The following SETX variants were observed in gnomAD, a reference collection of about 807,000 sequenced individuals.
The protein encoded by SETX is senataxin, also known as helicase senataxin.
Under a neutral mutation model 227.2 loss-of-function variants are expected in SETX, and 90 were observed. The ratio of observed to expected loss-of-function variants is 0.40; its 90% CI spans 0.33 to 0.47. The LOEUF is 0.47. SETX is among the 20% of genes least tolerant of loss of function. The pLI, the probability that SETX is intolerant of heterozygous loss-of-function variation, is 0.91. For synonymous variants in SETX, 1,210 were observed against 1,113.2 expected, an observed-to-expected ratio of 1.09 and a Z score of -1.73; for missense variants, 3,052 against 3,181.5, an observed-to-expected ratio of 0.96 and a Z score of 0.98.
Position 132,346,242 on chromosome 9 carries a change from G to C in SETX, c.388+19C>G, listed in dbSNP as rs1447772947. The C allele has an allele frequency of 1.3e-6, 2 of 1,572,766 alleles. No individual in the cohort carries two copies. Among genetic ancestry groups the C allele is most frequent in the East Asian group, 4.5e-5 (2 of 44,616 alleles). ...AATAATAAAACTGATATAACTTGAG[G>C]AACCATCAAGATACTCACTAACACG... On this transcript the variant is annotated intron_variant, in intron 4 of 25. Transcript: ENST00000224140.
At chr9:132,287,462 A>T (rs756642319) in intron 17 of SETX, among the ~76,000 whole-genome samples, 1 of 152,202 alleles carries the variant, frequency 6.6e-6, no homozygotes, top group Non-Finnish European at 1.5e-5. Context: ...ACTGCACTCC[A>T]GCCTGGGCCA....
chr9:132,300,819 A>G lies in SETX; in HGVS notation c.5375-16T>C, dbSNP rs780572734. 1.2e-5 allele frequency: 19 copies of G among 1,607,990 alleles called. No individual in the cohort carries two copies. The highest frequency in any genetic ancestry group is 1.4e-5 in the Non-Finnish European group (17 of 1,177,298). On this transcript the variant is annotated splice_polypyrimidine_tract_variant and intron_variant, in intron 11 of 25. Coordinates refer to ENST00000224140, the MANE Select transcript of SETX (RefSeq NM_015046.7). ...TCCAGATAAACTATGAAACAAGAAG[A>G]AGTCGGAATTCATATAACTCTAATA...
intron 11 of SETX, among the ~76,000 whole-genome samples, chr9:132,311,393 T>C (rs567675245): frequency 1.3e-5 from 2 of 152,116 alleles, no homozygotes; most frequent in East Asian, 1.9e-4. Flanking sequence ...ATAAAAGTGG[T>C]ATGTGGTTCG....
At chr9:132,336,953 C>A (rs1353936458) in intron 5 of SETX, among the ~76,000 whole-genome samples, 1 of 151,996 alleles carries the variant, frequency 6.6e-6, no homozygotes, top group Non-Finnish European at 1.5e-5. Context: ...GTAGTCCCAG[C>A]TACTTGGGAG....
intron 3 of SETX, among the ~76,000 whole-genome samples, chr9:132,348,484 T>A (rs531287789): frequency 6.6e-6 from 1 of 151,990 alleles, no homozygotes; most frequent in South Asian, 2.1e-4. Context: ...CCCCTCCCAA[T>A]GACTTTATTT....
chr9:132,278,654 C>CA (rs1320237739), intron 20 of SETX, among the ~76,000 whole-genome samples: 5 of 151,902 alleles, frequency 3.3e-5, no homozygotes, highest in African/African-American at 9.7e-5. Flanking sequence ...ATGTGGAGGT[C>CA]TTTTCTACTC....
intron 10 of SETX, among the ~76,000 whole-genome samples, chr9:132,323,984 A>G (rs754796279): frequency 1.3e-5 from 2 of 152,150 alleles, no homozygotes; most frequent in Non-Finnish European, 2.9e-5. Context: ...ACTTGAGGGG[A>G]TGAGGGGTGC....
At position 132,263,806 on chromosome 9, in the gene SETX, ATCTT is replaced by A; in HGVS notation, c.*429_*432del. On this transcript the variant is annotated 3_prime_UTR_variant, in exon 26 of 26. Transcript: ENST00000224140. ...GGTTGAAAGGACCCGCCCTCCTCCC[ATCTT>A]TTTTTTTTTGGTAATATAAAGTTTG... 1 of 183,456 alleles carries A rather than the reference ATCTT, an allele frequency of 5.5e-6. No homozygotes were observed. Among genetic ancestry groups the A allele is most frequent in the East Asian group, 1.5e-4 (1 of 6,850 alleles). 11.4% of individuals were successfully genotyped at this position (183,456 alleles called of 1,614,324 possible).
At position 132,318,406 on chromosome 9, in the gene SETX, T is replaced by C. The variant is rs936164456; in HGVS notation, c.5275-6550A>G. Among the ~76,000 whole-genome samples, 16 of 152,296 alleles carry C rather than the reference T, an allele frequency of 1.1e-4. 1 individual carries two copies. The highest frequency in any genetic ancestry group is 1.0e-3 in the South Asian group (5 of 4,826). On this transcript the variant is annotated intron_variant, in intron 10 of 25. Coordinates refer to ENST00000224140, the MANE Select transcript of SETX (RefSeq NM_015046.7). Reference sequence around the variant, plus strand: ...CAGACAGGAAATGCAGATGTTCCCCTCTGAATTCATACTCCCCAGGGAGAC... The same window carrying C: ...CAGACAGGAAATGCAGATGTTCCCCCCTGAATTCATACTCCCCAGGGAGAC...
At position 132,334,683 on chromosome 9, in the gene SETX, A is replaced by T. The variant is rs1162185581; in HGVS notation, c.763T>A (p.Ser255Thr). The T allele has an allele frequency of 4.3e-6, 7 of 1,614,088 alleles. No homozygotes were observed. The highest frequency in any genetic ancestry group is 5.9e-6 in the Non-Finnish European group (7 of 1,179,940). ...LTILEEQAMDSLLLGSDKQND... is the reference protein window; with the variant it reads ...LTILEEQAMDTLLLGSDKQND... ...TGTTTGTCTGAGCCCAACAACAGGG[A>T]ATCCATGGCTTGTTCCTCAAGAATG... The change falls in exon 7 of 26, where the codon TCC (serine) becomes ACC (threonine). Residue 255 changes from serine to threonine, a missense_variant. By Grantham distance (58) the Ser-to-Thr change is moderately conservative. Around this residue, in one of 10 missense-constraint regions of SETX, gnomAD observed 239 missense variants for 240.8 expected, o/e 0.99. Coordinates refer to ENST00000224140, the MANE Select transcript of SETX (RefSeq NM_015046.7).
Position 132,320,152 on chromosome 9 carries a change from C to T in SETX, c.5274+6172G>A, listed in dbSNP as rs190371199. On this transcript the variant is annotated intron_variant, in intron 10 of 25. Transcript: ENST00000224140. The stretch of plus-strand genomic sequence containing the variant: ...CTCATTTCTAAAAGTTGAATCTGTT[C>T]TCATTTGTCTTTCGTAAGAGATAAT... 2.6e-5 allele frequency among the ~76,000 whole-genome samples: 4 copies of T among 152,290 alleles called. No individual in the cohort carries two copies. In the East Asian group the frequency reaches 7.7e-4, roughly 29 times the overall value.
intron 25 of SETX, among the ~76,000 whole-genome samples, chr9:132,268,069 C>A (rs554891450): frequency 1.6e-4 from 25 of 152,312 alleles, no homozygotes; most frequent in Non-Finnish European, 2.9e-4. Flanking sequence ...CTCAACTGTA[C>A]AAATAAGTGT....
intron 24 of SETX, 148 bp downstream of exon 24, chr9:132,271,562 G>T (rs1430173416): frequency 2.7e-6 from 2 of 728,008 alleles, no homozygotes; most frequent in Non-Finnish European, 4.9e-6. Context: ...ACTTAAAAGA[G>T]AAACTTTCAT....
chr9:132,327,942 G>A lies in SETX; in HGVS notation c.3656C>T (p.Ser1219Leu). ...ACAAAGCTTTGAAGACTTCTTTTGT[G>A]AAACCGTAGTGGCTCTCTGAATACG... Reference protein sequence around the residue: ...NSRIQRATTVSQKKSSKLCTC... With the variant: ...NSRIQRATTVLQKKSSKLCTC... The change falls in exon 10 of 26, where the codon TCA becomes TTA. Residue 1219 changes from serine (S) to leucine (L), a missense_variant. By Grantham distance (145) the Ser-to-Leu change is moderately radical. Coordinates refer to ENST00000224140, the MANE Select transcript of SETX (RefSeq NM_015046.7). The A allele has an allele frequency of 1.2e-6, 2 of 1,614,056 alleles. No homozygotes were observed. The highest frequency in any genetic ancestry group is 1.7e-6 in the Non-Finnish European group (2 of 1,180,008).
At chr9:132,336,226 G>C (rs1046942876) in intron 6 of SETX, 70 bp downstream of exon 6, 11 of 1,331,266 alleles carry the variant, frequency 8.3e-6, no homozygotes, top group Non-Finnish European at 1.2e-5. Flanking sequence ...CTGGGCAACA[G>C]AGTGAGACTG....
In SETX at chr9:132,328,849, T is replaced by G. The variant is rs761943404; in HGVS notation, c.2749A>C (p.Met917Leu). The G allele has an allele frequency of 5.0e-6, 8 of 1,613,848 alleles. No homozygotes were observed. The highest frequency in any genetic ancestry group is 5.9e-6 in the Non-Finnish European group (7 of 1,179,956). ...EKKSSPFKDLMTVPESRDEEM... is the reference protein window; with the variant it reads ...EKKSSPFKDLLTVPESRDEEM... Reference sequence around the variant, plus strand: ...TCATCTCTTGATTCAGGTACAGTCATAAGATCTTTAAAGGGAGATGATTTC... The same window carrying G: ...TCATCTCTTGATTCAGGTACAGTCAGAAGATCTTTAAAGGGAGATGATTTC... Residue 917 changes from methionine (M) to leucine (L), a missense_variant, in exon 10 of 26, where the codon ATG becomes CTG. Physicochemically the swap from Met to Leu is conservative, Grantham distance 15. This residue lies in a region of SETX where 1,483 missense variants were observed against 1,312.0 expected (regional missense o/e 1.13). Coordinates refer to ENST00000224140, the MANE Select transcript of SETX (RefSeq NM_015046.7).
chr9:132,342,723 C>A lies in SETX; in HGVS notation c.465G>T (p.Gly155=), dbSNP rs763477688. The part of the protein sequence containing the change: ...CSFQVFDKHP[G]IYLFLVHPNE... ...TGGGATGGACTAAAAACAAATAGAT[C>A]CCTGGATGTTTATCAAACACCTGAA... The change falls in exon 5 of 26, where the codon GGG becomes GGT. Residue 155 remains glycine, a synonymous_variant. Transcript: ENST00000224140. The A allele has an allele frequency of 6.2e-7, 1 of 1,613,844 alleles. No homozygotes were observed. Among genetic ancestry groups the A allele is most frequent in the Non-Finnish European group, 8.5e-7 (1 of 1,179,840 alleles).
At chr9:132,351,934 C>T (rs1023313304) in intron 2 of SETX, among the ~76,000 whole-genome samples, 2 of 152,188 alleles carry the variant, frequency 1.3e-5, no homozygotes, top group African/African-American at 2.4e-5. Context: ...GCTAATGTGT[C>T]AAAACCAAAA....
chr9:132,333,616 C>T (rs766118875), intron 7 of SETX, among the ~76,000 whole-genome samples: 1 of 151,790 alleles, frequency 6.6e-6, no homozygotes, highest in Non-Finnish European at 1.5e-5. Flanking sequence ...TTTATTAATT[C>T]ATTACTTCCT....
Sources: allele counts gnomAD v4.1 joint callset (sites outside exome capture counted in the v4.1 genomes callset), GRCh38; gene constraint gnomAD v4.1.1; regional missense constraint gnomAD v4.1.1; transcripts MANE v1.5; gene names NCBI Gene and HGNC (gene_info 2026-07-23, HGNC 2026-07-21).